SNX31: variants seen among roughly 807,000 people sequenced by gnomAD.
The protein encoded by SNX31 is sorting nexin 31, also known as sorting nexin-31.
A neutral mutation model predicts 65.4 loss-of-function variants in SNX31; 58 were observed. The observed-to-expected ratio is 0.89, with a 90% CI of 0.72 to 1.10. The LOEUF is 1.10. Ranked by LOEUF, SNX31 falls within the 50% of genes least tolerant of loss-of-function variation. The pLI, the probability that SNX31 is intolerant of heterozygous loss-of-function variation, is 0.00. For missense variants in SNX31, 523 were observed against 529.7 expected, an observed-to-expected ratio of 0.99 and a Z score of 0.12; for synonymous variants, 181 against 190.1, an observed-to-expected ratio of 0.95 and a Z score of 0.39.
intron 5 of SNX31, among the ~76,000 whole-genome samples, chr8:100,616,409 G>A (rs1041989859): frequency 6.6e-6 from 1 of 152,178 alleles, no homozygotes; most frequent in East Asian, 1.9e-4. Flanking sequence ...CCTGGCCCCA[G>A]ACACATGCAG....
intron 1 of SNX31, among the ~76,000 whole-genome samples, chr8:100,659,165 G>A (rs373315295): frequency 1.1e-4 from 17 of 152,082 alleles, no homozygotes; most frequent in South Asian, 6.2e-4. Context: ...GGCCAACATG[G>A]TGAAACCCCA....
At chr8:100,636,966 C>T (rs2131223734) in intron 2 of SNX31, among the ~76,000 whole-genome samples, 1 of 152,324 alleles carries the variant, frequency 6.6e-6, no homozygotes, top group African/African-American at 2.4e-5. Context: ...GGTGATCCAC[C>T]TGCCTCTGCC....
chr8:100,649,057 C>T (rs1244840342), intron 2 of SNX31, among the ~76,000 whole-genome samples: 1 of 152,234 alleles, frequency 6.6e-6, no homozygotes, highest in East Asian at 1.9e-4. Context: ...GTTCCCTCAT[C>T]TCACAGCTGT....
At chr8:100,582,200 TA>T (rs1286856061) in intron 12 of SNX31, 2 of 152,244 alleles carry the variant, frequency 1.3e-5, no homozygotes, top group Non-Finnish European at 2.9e-5. Context: ...TTGAAAACTT[TA>T]AATAGATTAC....
Position 100,649,296 on chromosome 8 carries a change from T to G in SNX31, c.119A>C (p.Gln40Pro). 6.2e-7 allele frequency: 1 copy of G among 1,614,112 alleles called. No homozygotes were observed. The change falls in exon 2 of 14, where the codon CAG becomes CCG. Residue 40 changes from glutamine to proline, a missense_variant. Gln to Pro is a moderately conservative substitution (Grantham distance 76). Coordinates refer to ENST00000311812, the MANE Select transcript of SNX31 (RefSeq NM_152628.4). ...GFLFCRVRYS[Q>P]LHGWNEQLRR... The stretch of plus-strand genomic sequence containing the variant: ...CACCTGTTCGTTCCAACCGTGCAGC[T>G]GGCTGTAGCGCACCCTGCAGAAGAG...
At chr8:100,619,834 A>G (rs1817553704) in intron 4 of SNX31, 1 of 152,314 alleles carries the variant, frequency 6.6e-6, no homozygotes, top group East Asian at 1.9e-4. Context: ...GGTACTGGCC[A>G]TGTAACATCC....
At chr8:100,627,589 T>C (rs778705476) in intron 4 of SNX31, among the ~76,000 whole-genome samples, 3 of 152,226 alleles carry the variant, frequency 2.0e-5, no homozygotes, top group Non-Finnish European at 2.9e-5. Context: ...TCACCTAGTC[T>C]GGATTGCAGT....
At chr8:100,581,723 TA>T (rs1194889388) in intron 12 of SNX31, among the ~76,000 whole-genome samples, 1 of 152,154 alleles carries the variant, frequency 6.6e-6, no homozygotes, top group African/African-American at 2.4e-5. Context: ...AAGCCTTCTA[TA>T]AGTGCTATGT....
At position 100,604,992 on chromosome 8, in the gene SNX31, G is replaced by A. The variant is rs1032596476; in HGVS notation, c.681+3502C>T. 6.6e-6 allele frequency among the ~76,000 whole-genome samples: 1 copy of A among 151,928 alleles called. No homozygotes were observed. The highest frequency in any genetic ancestry group is 1.5e-5 in the Non-Finnish European group (1 of 67,996). The stretch of plus-strand genomic sequence containing the variant: ...TGGCTCCCTGCAACCTCTGCCTCCT[G>A]GGTTCAAGAGATTCTCCTGCCTCGG... On this transcript the variant is annotated intron_variant, in intron 8 of 13. Transcript: ENST00000311812. The surrounding 1 kb of genome is among the most constrained non-coding windows in gnomAD (Gnocchi z 4.3).
In SNX31 at chr8:100,625,843, A is replaced by G. The variant is rs1818008469; in HGVS notation, c.321+4484T>C. On this transcript the variant is annotated intron_variant, in intron 4 of 13. Transcript: ENST00000311812. This position sits in a 1 kb window ranked among gnomAD's most constrained non-coding sequence, Gnocchi z 4.2. Reference sequence around the variant, plus strand: ...CACCTAGTGGCAGGGGATGCTGAAGAGATGTACAGACACTCCATCTTTGCA... The same window carrying G: ...CACCTAGTGGCAGGGGATGCTGAAGGGATGTACAGACACTCCATCTTTGCA... 6.6e-6 allele frequency among the ~76,000 whole-genome samples: 1 copy of G among 152,208 alleles called. No individual in the cohort carries two copies. Among genetic ancestry groups the G allele is most frequent in the Admixed American group, 6.5e-5 (1 of 15,278 alleles).
chr8:100,574,903 C>T (rs867625928), intron 13 of SNX31, among the ~76,000 whole-genome samples: 4 of 152,174 alleles, frequency 2.6e-5, no homozygotes, highest in Non-Finnish European at 4.4e-5. Context: ...CACCGCACTC[C>T]AGCCTGGGCA....
intron 10 of SNX31, among the ~76,000 whole-genome samples, chr8:100,593,859 A>T (rs1340287307): frequency 1.3e-5 from 2 of 151,214 alleles, no homozygotes; most frequent in Non-Finnish European, 3.0e-5. Context: ...GAAAAAAAAT[A>T]GAAAAACTTC....
chr8:100,643,663 G>A (rs1458532557), intron 2 of SNX31, among the ~76,000 whole-genome samples: 1 of 152,064 alleles, frequency 6.6e-6, no homozygotes, highest in Non-Finnish European at 1.5e-5. Flanking sequence ...CTTAAAACTA[G>A]GACATCCAAG....
At chr8:100,590,863 T>G (rs1275629116) in intron 10 of SNX31, among the ~76,000 whole-genome samples, 1 of 152,116 alleles carries the variant, frequency 6.6e-6, no homozygotes, top group East Asian at 1.9e-4. Flanking sequence ...GATAACGCAG[T>G]ACTGTTAACC....
intron 8 of SNX31, among the ~76,000 whole-genome samples, chr8:100,605,523 C>T (rs1040815870): frequency 6.6e-6 from 1 of 152,166 alleles, no homozygotes; most frequent in Admixed American, 6.5e-5. Context: ...GTTTGTATGA[C>T]AGTCTATTAA....
chr8:100,615,564 T>C (rs1194693150), intron 5 of SNX31, among the ~76,000 whole-genome samples: 1 of 152,216 alleles, frequency 6.6e-6, no homozygotes, highest in Admixed American at 6.5e-5. Flanking sequence ...TTTGTTGTTG[T>C]GTGAACACTG....
At chr8:100,621,793 T>C (rs754873244) in intron 4 of SNX31, among the ~76,000 whole-genome samples, 17 of 152,260 alleles carry the variant, frequency 1.1e-4, no homozygotes, top group South Asian at 4.1e-4. Flanking sequence ...ATGAGAGGAA[T>C]TGGTGGCCCA....
rs762394483 is a variant in SNX31, at chr8:100,649,274, C to A, written c.141G>T (p.Gln47His). 1.9e-6 allele frequency: 3 copies of A among 1,613,932 alleles called. No homozygotes were observed. Among genetic ancestry groups the A allele is most frequent in the Admixed American group, 1.7e-5 (1 of 60,006 alleles). Reference sequence around the variant, plus strand: ...TCGTACCCGCCTCCAATCTGCTCACCTGTTCGTTCCAACCGTGCAGCTGGC... The same window carrying A: ...TCGTACCCGCCTCCAATCTGCTCACATGTTCGTTCCAACCGTGCAGCTGGC... ...RYSQLHGWNE[Q>H]LRRVFGNCLP... The change falls in exon 2 of 14, where the codon CAG becomes CAT. Residue 47 changes from glutamine to histidine, a missense_variant and splice_region_variant. Gln to His is a conservative substitution (Grantham distance 24). Coordinates refer to ENST00000311812, the MANE Select transcript of SNX31 (RefSeq NM_152628.4).
chr8:100,623,894 A>T (rs567149092), intron 4 of SNX31, among the ~76,000 whole-genome samples: 3 of 152,090 alleles, frequency 2.0e-5, no homozygotes, highest in Admixed American at 6.5e-5. Flanking sequence ...CTATGGGGAA[A>T]ATTCTGTCTT....
Sources: allele counts gnomAD v4.1 joint callset (sites outside exome capture counted in the v4.1 genomes callset), GRCh38; gene constraint gnomAD v4.1.1; non-coding constraint Gnocchi (gnomAD v3.1); transcripts MANE v1.5; gene names NCBI Gene and HGNC (gene_info 2026-07-23, HGNC 2026-07-21).